Variants in CYYR1 observed in about 807,000 individuals in gnomAD.
CYYR1 encodes the protein cysteine and tyrosine rich 1.
A neutral mutation model predicts 15.2 loss-of-function variants in CYYR1; 14 were observed. The observed-to-expected ratio is 0.92, with a 90% confidence interval of 0.61 to 1.44. The LOEUF (loss-of-function observed/expected upper bound fraction) is 1.44. Among genes scored for constraint, CYYR1 ranks in the 40% most tolerant of loss-of-function variants. CYYR1 has a pLI of 0.00. For missense variants in CYYR1, 228 were observed against 209.5 expected, an observed-to-expected ratio of 1.09 and a Z score of -0.54; for synonymous variants, 80 against 77.4, an observed-to-expected ratio of 1.03 and a Z score of -0.18.
At chr21:26,559,772 A>G (rs893577716) in intron 2 of CYYR1, among the ~76,000 whole-genome samples, 21 of 152,164 alleles carry the variant, frequency 1.4e-4, no homozygotes, top group African/African-American at 5.1e-4. Context: ...TTCCATATAT[A>G]CGTCAGTCAG....
intron 2 of CYYR1, among the ~76,000 whole-genome samples, chr21:26,534,479 C>T (rs964060055): frequency 2.0e-5 from 3 of 152,024 alleles, no homozygotes; most frequent in African/African-American, 7.2e-5. Flanking sequence ...ATCAAGAGAC[C>T]AACTTCTCCT....
In CYYR1 at chr21:26,573,286, C is replaced by A. The variant is rs554044979; in HGVS notation, c.-346G>T. ...TCATCTCCGCGGGTGGCAACGACTG[C>A]GGGCAGGGGGCGGGGGTGGCCCCGA... On this transcript the variant is annotated 5_prime_UTR_variant, in exon 1 of 4. Transcript: ENST00000652641. 1.8e-5 allele frequency: 23 copies of A among 1,285,936 alleles called. No individual in the cohort carries two copies. Among genetic ancestry groups the A allele is most frequent in the Admixed American group, 2.6e-5 (1 of 39,158 alleles). The allele number at this position is 1,285,936 out of a possible 1,614,324, so 79.7% of individuals were successfully genotyped here.
chr21:26,517,116 A>G (rs1185661616), intron 2 of CYYR1, among the ~76,000 whole-genome samples: 1 of 58,198 alleles, frequency 1.7e-5, no homozygotes, highest in East Asian at 2.7e-4. Flanking sequence ...CTCCGTCTCA[A>G]AAAAAAAAAA....
chr21:26,559,161 G>A (rs1433389618), intron 2 of CYYR1, among the ~76,000 whole-genome samples: 2 of 152,146 alleles, frequency 1.3e-5, no homozygotes, highest in Non-Finnish European at 2.9e-5. Context: ...AGCCCAATGG[G>A]TATGAGACGG....
At chr21:26,559,646 T>G (rs1238842975) in intron 2 of CYYR1, among the ~76,000 whole-genome samples, 2 of 152,192 alleles carry the variant, frequency 1.3e-5, no homozygotes, top group African/African-American at 4.8e-5. Context: ...TGTGGAGTGA[T>G]GAATTGATCT....
At position 26,572,881 on chromosome 21, in the gene CYYR1, G is replaced by C. The variant is rs769914396; in HGVS notation, c.60C>G (p.Leu20=). ...PGVLLPKLVL[L]FVYADDCLAQ... ...TCCGTCACTGACCTGCGTAGACAAA[G>C]AGCAGGACCAACTTCGGAAGCAAGA... Residue 20 remains leucine, a synonymous_variant, in exon 1 of 4, where the codon CTC becomes CTG. Transcript: ENST00000652641. The C allele has an allele frequency of 1.6e-5, 26 of 1,613,968 alleles. 1 individual carries two copies. The South Asian group carries it at 1.8e-4, about 11-fold the overall frequency.
intron 2 of CYYR1, among the ~76,000 whole-genome samples, chr21:26,486,665 T>TAAATG (rs2065252259): frequency 6.6e-6 from 1 of 152,064 alleles, no homozygotes; most frequent in African/African-American, 2.4e-5. Context: ...ATCAAGATAT[T>TAAATG]AAATGTATCT....
intron 2 of CYYR1, among the ~76,000 whole-genome samples, chr21:26,557,923 T>C (rs1000916709): frequency 6.6e-6 from 1 of 152,190 alleles, no homozygotes; most frequent in African/African-American, 2.4e-5. Context: ...ATCCAGCCTC[T>C]TATCCAAAGC....
At chr21:26,495,992 G>A (rs1239251100) in intron 2 of CYYR1, among the ~76,000 whole-genome samples, 1 of 152,122 alleles carries the variant, frequency 6.6e-6, no homozygotes, top group Non-Finnish European at 1.5e-5. Flanking sequence ...CACCGGATTT[G>A]GTAAAGAATT....
chr21:26,540,329 A>G (rs2123643331), intron 2 of CYYR1, among the ~76,000 whole-genome samples: 1 of 152,300 alleles, frequency 6.6e-6, no homozygotes, highest in East Asian at 1.9e-4. Context: ...TCCATTGATA[A>G]GGCTTTTTGG....
chr21:26,506,253 G>A (rs1006838025), intron 2 of CYYR1, among the ~76,000 whole-genome samples: 14 of 152,028 alleles, frequency 9.2e-5, no homozygotes, highest in African/African-American at 3.4e-4. Flanking sequence ...TTTAATTCTA[G>A]GTCACCACGC....
rs1220941315 is a variant in CYYR1, at chr21:26,467,169, T to C, written c.*1332A>G. On this transcript the variant is annotated 3_prime_UTR_variant, in exon 4 of 4. Transcript: ENST00000652641. The stretch of plus-strand genomic sequence containing the variant: ...ATTTAATTGTAAAATGACACAAAAA[T>C]CTAATCATCTATTTCCAATGTTCAA... 1 of 152,152 alleles carries C rather than the reference T, an allele frequency of 6.6e-6. No homozygotes were observed. Among genetic ancestry groups the C allele is most frequent in the East Asian group, 1.9e-4 (1 of 5,192 alleles). The allele number at this position is 152,152 out of a possible 1,614,324, so 9.4% of individuals were successfully genotyped here. A position where few individuals can be genotyped will look rare whatever the true frequency, so the allele number is the denominator to read the frequency against.
rs143100369 is a variant in CYYR1 at position 26,468,056 on chromosome 21, T to C, written c.*445A>G. The C allele has an allele frequency of 8.9e-5, 20 of 224,992 alleles. No homozygotes were observed. Among genetic ancestry groups the C allele is most frequent in the Non-Finnish European group, 1.5e-4 (17 of 112,854 alleles). 13.9% of individuals were successfully genotyped at this position (224,992 alleles called of 1,614,324 possible). ...TAGGCACTCAAAATACATTTATTGA[T>C]GAATGAAAGAATGAACAATTCTAGT... On this transcript the variant is annotated 3_prime_UTR_variant, in exon 4 of 4. Coordinates refer to ENST00000652641, the MANE Select transcript of CYYR1 (RefSeq NM_001320768.2).
chr21:26,531,272 G>A (rs746356537), intron 2 of CYYR1, among the ~76,000 whole-genome samples: 3 of 152,130 alleles, frequency 2.0e-5, no homozygotes, highest in Non-Finnish European at 2.9e-5. Context: ...TTGCAAGATT[G>A]TGTTATTCCT....
chr21:26,558,844 G>T (rs1201022640), intron 2 of CYYR1, among the ~76,000 whole-genome samples: 1 of 152,088 alleles, frequency 6.6e-6, no homozygotes, highest in African/African-American at 2.4e-5. Context: ...TGTATCCTTT[G>T]CACGAATATA....
chr21:26,506,012 T>C (rs910099367), intron 2 of CYYR1, among the ~76,000 whole-genome samples: 1 of 152,178 alleles, frequency 6.6e-6, no homozygotes, highest in Non-Finnish European at 1.5e-5. Flanking sequence ...ATGAATTTTA[T>C]GCTTTTATGT....
chr21:26,527,969 CTATAAA>C (rs1460393199), intron 2 of CYYR1, among the ~76,000 whole-genome samples: 1 of 152,014 alleles, frequency 6.6e-6, no homozygotes, highest in Admixed American at 6.6e-5. Context: ...TACAGAAATT[CTATAAA>C]TAAAGAGTAA....
chr21:26,485,821 C>T (rs1274408087), intron 2 of CYYR1, among the ~76,000 whole-genome samples: 1 of 152,048 alleles, frequency 6.6e-6, no homozygotes, highest in African/African-American at 2.4e-5. Flanking sequence ...AATAAATGCC[C>T]AGAAGTGCAA....
Position 26,502,253 on chromosome 21 carries a change from A to G in CYYR1, c.177-21824T>C, listed in dbSNP as rs4817121. Among the ~76,000 whole-genome samples the G allele has an allele frequency of 7.6e-3, 1,154 of 152,236 alleles. 52 individuals are homozygous for G. Among genetic ancestry groups the G allele is most frequent in the Admixed American group, 0.068 (1,035 of 15,280 alleles). On this transcript the variant is annotated intron_variant, in intron 2 of 3. Transcript: ENST00000652641. ...CAAAGATACTCTGCTCCCCAATGCA[A>G]AAGGCATCACGGGCAGAATTTATTT...
Sources: allele counts gnomAD v4.1 joint callset (sites outside exome capture counted in the v4.1 genomes callset), GRCh38; gene constraint gnomAD v4.1.1; transcripts MANE v1.5; gene names NCBI Gene and HGNC (gene_info 2026-07-23, HGNC 2026-07-21).